The following SGCZ variants were observed in gnomAD, a reference collection of about 807,000 sequenced individuals.
The protein encoded by SGCZ is sarcoglycan zeta.
Under a neutral mutation model 41.3 loss-of-function variants are expected in SGCZ, and 40 were observed. That is an observed-to-expected ratio of 0.97 (90% CI 0.75 to 1.26). SGCZ has a LOEUF of 1.26. Among genes scored for constraint, SGCZ ranks in the 50% most tolerant of loss-of-function variants. The pLI is 0.00. For missense variants in SGCZ, 552 were observed against 369.8 expected, an observed-to-expected ratio of 1.49 and a Z score of -4.04; for synonymous variants, 206 against 137.5, an observed-to-expected ratio of 1.50 and a Z score of -3.49.
intron 1 of SGCZ, among the ~76,000 whole-genome samples, chr8:15,228,674 G>T (rs868180745): frequency 6.6e-6 from 1 of 152,094 alleles, no homozygotes; most frequent in African/African-American, 2.4e-5. Context: ...AAATTTGAGA[G>T]CAATAACAAA....
At chr8:15,014,091 C>T (rs1374411947) in intron 1 of SGCZ, among the ~76,000 whole-genome samples, 2 of 152,204 alleles carry the variant, frequency 1.3e-5, no homozygotes, top group Non-Finnish European at 2.9e-5. Flanking sequence ...CATCTCCCTT[C>T]TGAAATGACA....
intron 3 of SGCZ, among the ~76,000 whole-genome samples, chr8:14,278,351 T>C (rs7000456): frequency 0.33 from 50,267 of 151,968 alleles, 8,678 homozygotes; most frequent in South Asian, 0.47. Flanking sequence ...ACATTTGTTA[T>C]TTTCATTTAT....
chr8:14,544,413 G>A (rs900572791), intron 2 of SGCZ, among the ~76,000 whole-genome samples: 2 of 152,054 alleles, frequency 1.3e-5, no homozygotes, highest in Non-Finnish European at 2.9e-5. Context: ...ACAACCATAA[G>A]GTCTGATTGC....
intron 2 of SGCZ, among the ~76,000 whole-genome samples, chr8:14,340,950 C>A (rs1234836688): frequency 6.6e-6 from 1 of 152,152 alleles, no homozygotes; most frequent in Non-Finnish European, 1.5e-5. Flanking sequence ...TGAATCCCCT[C>A]TCCCCCAGCC....
intron 1 of SGCZ, among the ~76,000 whole-genome samples, chr8:14,921,856 A>T (rs893744447): frequency 2.0e-5 from 3 of 152,200 alleles, no homozygotes; most frequent in Admixed American, 2.0e-4. Context: ...TGAACAACTG[A>T]AAGACAAGAT....
At chr8:14,426,698 A>C (rs1799792149) in intron 2 of SGCZ, among the ~76,000 whole-genome samples, 1 of 152,148 alleles carries the variant, frequency 6.6e-6, no homozygotes, top group African/African-American at 2.4e-5. Context: ...GAAATGTGAG[A>C]AGAAAGGATA....
At chr8:14,407,752 G>A (rs1048521429) in intron 2 of SGCZ, among the ~76,000 whole-genome samples, 1 of 152,102 alleles carries the variant, frequency 6.6e-6, no homozygotes, top group African/African-American at 2.4e-5. Flanking sequence ...AAAAGTTTCA[G>A]CTGGTGCATT....
intron 1 of SGCZ, among the ~76,000 whole-genome samples, chr8:15,099,620 G>C (rs1426210143): frequency 4.6e-5 from 7 of 151,992 alleles, no homozygotes; most frequent in Non-Finnish European, 5.9e-5. Flanking sequence ...CATTCTATGA[G>C]GCCAGCATTA....
At chr8:15,060,391 C>T (rs1198380067) in intron 1 of SGCZ, among the ~76,000 whole-genome samples, 1 of 151,446 alleles carries the variant, frequency 6.6e-6, no homozygotes, top group African/African-American at 2.4e-5. Context: ...AAGCTGGAAA[C>T]CATCATTCTC....
chr8:14,975,850 G>C (rs770400550), intron 1 of SGCZ, among the ~76,000 whole-genome samples: 11 of 140,872 alleles, frequency 7.8e-5, no homozygotes, highest in Admixed American at 5.7e-4. Flanking sequence ...CTACTTATCA[G>C]GCTTTAAAAT....
At chr8:15,082,422 A>G (rs556434008) in intron 1 of SGCZ, among the ~76,000 whole-genome samples, 426 of 129,370 alleles carry the variant, frequency 3.3e-3, no homozygotes, top group Middle Eastern at 8.2e-3. Context: ...ACACATATAT[A>G]TGTGTGTGTG....
chr8:14,253,836 T>A (rs1315918775), intron 3 of SGCZ, among the ~76,000 whole-genome samples: 1 of 152,118 alleles, frequency 6.6e-6, no homozygotes, highest in Non-Finnish European at 1.5e-5. Flanking sequence ...TATAAATAAT[T>A]TTTTCTCTCA....
At chr8:14,568,460 A>C (rs1325087680) in intron 1 of SGCZ, among the ~76,000 whole-genome samples, 2 of 140,636 alleles carry the variant, frequency 1.4e-5, no homozygotes, top group Non-Finnish European at 1.6e-5. Context: ...AAAAAAAAAA[A>C]CTAAAGAAGA....
chr8:14,826,334 G>C (rs996031169), intron 1 of SGCZ, among the ~76,000 whole-genome samples: 16 of 152,102 alleles, frequency 1.1e-4, no homozygotes, highest in Admixed American at 4.6e-4. Context: ...AGTCTATCAT[G>C]GTTGGACATT....
intron 1 of SGCZ, among the ~76,000 whole-genome samples, chr8:15,101,448 C>T (rs993084667): frequency 6.6e-6 from 1 of 152,080 alleles, no homozygotes; most frequent in African/African-American, 2.4e-5. Flanking sequence ...AAAGATGTTA[C>T]CAAAGAAGAC....
intron 4 of SGCZ, among the ~76,000 whole-genome samples, chr8:14,232,635 G>C (rs1019150814): frequency 1.3e-5 from 2 of 151,444 alleles, no homozygotes; most frequent in African/African-American, 4.8e-5. Flanking sequence ...AAGTTTTAGG[G>C]TACAAGTGCA....
At chr8:14,158,069 C>G (rs1803930830) in intron 5 of SGCZ, among the ~76,000 whole-genome samples, 1 of 151,990 alleles carries the variant, frequency 6.6e-6, no homozygotes, top group Non-Finnish European at 1.5e-5. Context: ...CAAAATTGTT[C>G]CAGCTTTGGT....
chr8:14,664,492 A>G lies in SGCZ; in HGVS notation c.40-109566T>C, dbSNP rs148717494. Among the ~76,000 whole-genome samples the G allele has an allele frequency of 6.1e-3, 935 of 152,312 alleles. 10 individuals carry two copies. Among genetic ancestry groups the G allele is most frequent in the African/African-American group, 0.02 (823 of 41,586 alleles). Reference sequence around the variant, plus strand: ...TTTAGCAGAGTATATAGGAATAGAAAAAGATATGTGATATTTCAACTAGGG... The same window carrying G: ...TTTAGCAGAGTATATAGGAATAGAAGAAGATATGTGATATTTCAACTAGGG... On this transcript the variant is annotated intron_variant, in intron 1 of 7. Transcript: ENST00000382080.
intron 1 of SGCZ, among the ~76,000 whole-genome samples, chr8:14,637,380 T>G (rs1303515912): frequency 1.3e-5 from 2 of 151,686 alleles, no homozygotes; most frequent in Non-Finnish European, 2.9e-5. Context: ...ACGAGTAAAT[T>G]GCGTGATGCT....
Sources: allele counts gnomAD v4.1 joint callset (sites outside exome capture counted in the v4.1 genomes callset), GRCh38; gene constraint gnomAD v4.1.1; transcripts MANE v1.5; gene names NCBI Gene and HGNC (gene_info 2026-07-23, HGNC 2026-07-21).